Variants in MIB2 observed in about 807,000 individuals in gnomAD.
MIB2 encodes MIB E3 ubiquitin protein ligase 2, also known as E3 ubiquitin-protein ligase MIB2.
A neutral mutation model predicts 96.6 loss-of-function variants in MIB2; 78 were observed. The observed-to-expected ratio is 0.81, with a 90% CI of 0.67 to 0.97. The LOEUF (loss-of-function observed/expected upper bound fraction) is 0.97. MIB2 is among the 50% of genes least tolerant of loss of function. The pLI, the probability that MIB2 is intolerant of heterozygous loss-of-function variation, is 0.00. For missense variants in MIB2, 1,543 were observed against 1,424.0 expected (o/e 1.08, Z -1.35); for synonymous variants, 820 against 629.5 (o/e 1.30, Z -4.53).
At chr1:1,614,423 C>T (rs1056234335), upstream of MIB2, 2 of 152,266 alleles carry the variant, frequency 1.3e-5, no homozygotes, top group Non-Finnish European at 2.9e-5. Context: ...AGCTAACGCC[C>T]ACTCCTGCAG....
Position 1,625,503 on chromosome 1 carries a change from A to G in MIB2, c.865-43A>G, listed in dbSNP as rs1315981908. On this transcript the variant is annotated intron_variant, in intron 7 of 19. Coordinates refer to ENST00000355826, the MANE Select transcript of MIB2 (RefSeq NM_001170687.4). This position sits in a 1 kb window ranked among gnomAD's most constrained non-coding sequence, Gnocchi z 5.0. The stretch of plus-strand genomic sequence containing the variant: ...CGCCCCCTCAGCCCCTTCCTCCCCA[A>G]GCGTCCAGCCCGACCCAGCCACAGC... 1.3e-6 allele frequency: 2 copies of G among 1,548,056 alleles called. No homozygotes were observed. Among genetic ancestry groups the G allele is most frequent in the Non-Finnish European group, 8.7e-7 (1 of 1,143,996 alleles).
chr1:1,626,489 C>T lies in MIB2; in HGVS notation c.973-161C>T, dbSNP rs539418198. ...GGCTGCCTTGGACACCTGGGGCTCTCGTCCAGCCAGAGCCTCTGGCAGTGC... is the reference window on the plus strand; with the variant it reads ...GGCTGCCTTGGACACCTGGGGCTCTTGTCCAGCCAGAGCCTCTGGCAGTGC... On this transcript the variant is annotated intron_variant, in intron 8 of 19. Transcript: ENST00000355826. The surrounding 1 kb of genome is among the most constrained non-coding windows in gnomAD (Gnocchi z 5.3). 5.4e-5 allele frequency: 34 copies of T among 624,892 alleles called. No homozygotes were observed. The highest frequency in any genetic ancestry group is 7.4e-5 in the Non-Finnish European group (27 of 363,558). 38.7% of individuals were successfully genotyped at this position (624,892 alleles called of 1,614,324 possible). A position where few individuals can be genotyped will look rare whatever the true frequency, so the allele number is the denominator to read the frequency against.
intron 4 of MIB2, 158 bp from the exon 5 acceptor site, chr1:1,624,637 T>C: frequency 1.4e-6 from 1 of 726,512 alleles, no homozygotes. Context: ...GATGCTGACC[T>C]GCTGGACCGG....
Position 1,625,427 on chromosome 1 carries a change from A to G in MIB2, c.863A>G (p.Glu288Gly). 1 of 1,564,752 alleles carries G rather than the reference A, an allele frequency of 6.4e-7. No individual in the cohort carries two copies. Among genetic ancestry groups the G allele is most frequent in the Non-Finnish European group, 8.6e-7 (1 of 1,157,196 alleles). Reference sequence around the variant, plus strand: ...GGCGGCTGGAACCCCAGGATGGCGGAGGTGAGCCGCCCCGCCGTGGAGCCC... The same window carrying G: ...GGCGGCTGGAACCCCAGGATGGCGGGGGTGAGCCGCCCCGCCGTGGAGCCC... The part of the protein sequence containing the change: ...GHGGWNPRMA[E>G]FIGQTGTVHR... The change falls in exon 7 of 20, where the codon GAG becomes GGG. Residue 288 changes from glutamate (E) to glycine (G), a missense_variant and splice_region_variant. Glu to Gly is a moderately conservative substitution (Grantham distance 98). Transcript: ENST00000355826. The surrounding 1 kb of genome is among the most constrained non-coding windows in gnomAD (Gnocchi z 5.0).
chr1:1,629,391 G>C lies in MIB2; in HGVS notation c.2388G>C (p.Arg796=). 1 of 1,443,318 alleles carries C rather than the reference G, an allele frequency of 6.9e-7. No homozygotes were observed. Among genetic ancestry groups the C allele is most frequent in the Non-Finnish European group, 9.0e-7 (1 of 1,111,268 alleles). 89.4% of individuals were successfully genotyped at this position (1,443,318 alleles called of 1,614,324 possible). Residue 796 remains arginine, a synonymous_variant, in exon 18 of 20, where the codon CGG becomes CGC. Transcript: ENST00000355826. ...CCGCCTCCTCCCCCTGCAGGGAGCG[G>C]CAGGCGGGCGGGGGCGCGGCCCCGG... The part of the protein sequence containing the change: ...LQGCAQRFRE[R]QAGGGAAPGP...
At chr1:1,615,800 A>G in intron 1 of MIB2, 167 bp downstream of exon 1, 2 of 1,316,978 alleles carry the variant, frequency 1.5e-6, no homozygotes, top group South Asian at 2.0e-5. Context: ...CTGCGCGCGC[A>G]GCGCCGCCGC....
At chr1:1,616,682 G>T in intron 2 of MIB2, 68 bp downstream of exon 2, 1 of 1,282,086 alleles carries the variant, frequency 7.8e-7, no homozygotes, top group Non-Finnish European at 1.1e-6. Flanking sequence ...CTCCGTGGAA[G>T]CCACGTCAGA....
rs1291615472 is a variant in MIB2, at chr1:1,626,503, C to T, written c.973-147C>T. 2 of 665,762 alleles carry T rather than the reference C, an allele frequency of 3.0e-6. No individual in the cohort carries two copies. The highest frequency in any genetic ancestry group is 5.0e-6 in the Non-Finnish European group (2 of 398,490). The allele number at this position is 665,762 out of a possible 1,614,324, so 41.2% of individuals were successfully genotyped here. On this transcript the variant is annotated intron_variant, in intron 8 of 19. Transcript: ENST00000355826. This position sits in a 1 kb window ranked among gnomAD's most constrained non-coding sequence, Gnocchi z 5.3. ...CCTGGGGCTCTCGTCCAGCCAGAGC[C>T]TCTGGCAGTGCCTGGGGTCGGGGTC...
chr1:1,621,699 G>A (rs1002631774), intron 2 of MIB2, among the ~76,000 whole-genome samples: 6 of 152,240 alleles, frequency 3.9e-5, no homozygotes, highest in Non-Finnish European at 7.3e-5. Flanking sequence ...GTCCTGGGCA[G>A]GGTGAGGAGG....
chr1:1,618,325 C>T (rs1643931590), intron 2 of MIB2: 3 of 152,460 alleles, frequency 2.0e-5, no homozygotes, highest in African/African-American at 7.2e-5. Flanking sequence ...GGGGGCAACC[C>T]AGAGGCCTCC....
chr1:1,615,669 C>G (rs1242113576), intron 1 of MIB2, 36 bp downstream of exon 1: 2 of 1,547,812 alleles, frequency 1.3e-6, no homozygotes, highest in Non-Finnish European at 1.7e-6. Context: ...CCTGGTCCTC[C>G]GCACCGTCCC....
intron 14 of MIB2, 24 bp downstream of exon 14, chr1:1,628,203 C>G: frequency 6.2e-7 from 1 of 1,612,280 alleles, no homozygotes; most frequent in Non-Finnish European, 8.5e-7. Flanking sequence ...GGGCACACAG[C>G]TGCAGCCGGC....
chr1:1,616,751 C>G (rs1570466064), intron 2 of MIB2, 137 bp downstream of exon 2: 4 of 661,962 alleles, frequency 6.0e-6, no homozygotes, highest in South Asian at 5.4e-5. Flanking sequence ...AGTAATCCCG[C>G]GTCTCCTCTC....
At chr1:1,623,345 C>T in intron 2 of MIB2, 86 bp from the exon 3 acceptor site, 1 of 1,540,100 alleles carries the variant, frequency 6.5e-7, no homozygotes, top group Non-Finnish European at 8.7e-7. Flanking sequence ...CCCACTCTGA[C>T]CGGGAGTGTC....
At chr1:1,619,362 G>C (rs1024753736) in intron 2 of MIB2, among the ~76,000 whole-genome samples, 1 of 152,206 alleles carries the variant, frequency 6.6e-6, no homozygotes, top group Non-Finnish European at 1.5e-5. Flanking sequence ...GCGACAGAGC[G>C]AGATTACGTC....
At chr1:1,622,408 C>T (rs867895934) in intron 2 of MIB2, among the ~76,000 whole-genome samples, 1 of 152,166 alleles carries the variant, frequency 6.6e-6, no homozygotes, top group East Asian at 1.9e-4. Context: ...AGGCAGCCCA[C>T]GGTGACTCAC....
chr1:1,625,658 C>T lies in MIB2; in HGVS notation c.972+5C>T, dbSNP rs777457144. ...CACCCCGGGGCGCTCACCAAGGTGC[C>T]GGGGGGGCTGGGCTGCGCCTCATCT... On this transcript the variant is annotated splice_donor_5th_base_variant and intron_variant, in intron 8 of 19. Coordinates refer to ENST00000355826, the MANE Select transcript of MIB2 (RefSeq NM_001170687.4). The surrounding 1 kb of genome is among the most constrained non-coding windows in gnomAD (Gnocchi z 5.0). 111 of 1,551,608 alleles carry T rather than the reference C, an allele frequency of 7.2e-5. No individual in the cohort carries two copies. Among genetic ancestry groups the T allele is most frequent in the Middle Eastern group, 3.4e-4 (2 of 5,958 alleles).
rs903310022 is a variant in MIB2, at chr1:1,626,958, A to C, written c.1199A>C (p.Asp400Ala). Residue 400 changes from aspartate to alanine, a missense_variant, in exon 10 of 20, where the codon GAT becomes GCT. Coordinates refer to ENST00000355826, the MANE Select transcript of MIB2 (RefSeq NM_001170687.4). The surrounding 1 kb of genome is among the most constrained non-coding windows in gnomAD (Gnocchi z 5.3). ...CTGGTGGCCTACCGGCCCGAGGAGG[A>C]TGCCAACCTGGACGTGGCCGAGCGC... ...SCLVAYRPEE[D>A]ANLDVAERAR... is the part of the protein sequence containing the mutation. 5 of 1,611,498 alleles carry C rather than the reference A, an allele frequency of 3.1e-6. No individual in the cohort carries two copies. The highest frequency in any genetic ancestry group is 4.2e-6 in the Non-Finnish European group (5 of 1,179,614).
chr1:1,628,050 C>T lies in MIB2; in HGVS notation c.1712C>T (p.Ala571Val), dbSNP rs1644978061. The change falls in exon 14 of 20, where the codon GCC becomes GTC. Residue 571 changes from alanine to valine, a missense_variant. By Grantham distance (64) the Ala-to-Val change is moderately conservative (BLOSUM62 0). Coordinates refer to ENST00000355826, the MANE Select transcript of MIB2 (RefSeq NM_001170687.4). ...DAHSDTPLHS[A>V]ISAGTGASGI... ...CACTCGGACACGCCCCTGCACTCCG[C>T]CATCTCGGCGGGCACTGGAGCCAGC... 6.2e-7 allele frequency: 1 copy of T among 1,613,202 alleles called. No homozygotes were observed. Among genetic ancestry groups the T allele is most frequent in the Non-Finnish European group, 8.5e-7 (1 of 1,179,976 alleles).
Sources: gnomAD v4.1 joint callset for allele counts (sites outside exome capture counted in the v4.1 genomes callset) on GRCh38, gnomAD v4.1.1 for gene constraint, Gnocchi (gnomAD v3.1) non-coding constraint, MANE v1.5 for transcripts, NCBI Gene and HGNC (gene_info 2026-07-23, HGNC 2026-07-21) for gene names.